Variants in FKBP5 observed in about 807,000 individuals in gnomAD.
FKBP5 encodes the protein peptidyl-prolyl cis-trans isomerase FKBP5.
A neutral mutation model predicts 50.5 loss-of-function variants in FKBP5; 23 were observed. The observed-to-expected ratio is 0.46, with a 90% CI of 0.33 to 0.65. The LOEUF is 0.65. FKBP5 is among the 30% of genes least tolerant of loss of function. The pLI is 0.02. For missense variants in FKBP5, 411 were observed against 553.1 expected, an observed-to-expected ratio of 0.74 and a Z score of 2.58; for synonymous variants, 176 against 190.6, an observed-to-expected ratio of 0.92 and a Z score of 0.63.
chr6:35,665,780 C>T (rs1426500046), intron 1 of FKBP5, among the ~76,000 whole-genome samples: 1 of 152,148 alleles, frequency 6.6e-6, no homozygotes, highest in Non-Finnish European at 1.5e-5. Flanking sequence ...GTTTGGGTTA[C>T]GAGTTTCAAC....
chr6:35,577,078 G>A lies in FKBP5; in HGVS notation c.1182C>T (p.Cys394=), dbSNP rs771692610. 6.2e-7 allele frequency: 1 copy of A among 1,614,056 alleles called. No individual in the cohort carries two copies. Among genetic ancestry groups the A allele is most frequent in the Non-Finnish European group, 8.5e-7 (1 of 1,180,020 alleles). ...CGTTGTGCTCCTTGGCCTTTTTCTG[G>A]CACATGGAGATCTGCAGTCTTGCAG... ...NKAARLQISM[C]QKKAKEHNER... is the part of the protein sequence containing the mutation. Residue 394 remains cysteine, a synonymous_variant, in exon 10 of 11, where the codon TGC becomes TGT. Transcript: ENST00000357266.
intron 8 of FKBP5, chr6:35,582,826 T>C: frequency 3.0e-6 from 3 of 985,054 alleles, no homozygotes; most frequent in Non-Finnish European, 3.6e-6. Flanking sequence ...ACAGGCAGCA[T>C]TGTCCTCTCC....
chr6:35,587,661 G>T (rs1027933659), intron 7 of FKBP5, among the ~76,000 whole-genome samples: 6 of 152,152 alleles, frequency 3.9e-5, no homozygotes, highest in African/African-American at 1.2e-4. Context: ...GTATACTGGG[G>T]GGGACTTCAA....
At chr6:35,686,730 C>G (rs1232981543) in intron 1 of FKBP5, among the ~76,000 whole-genome samples, 2 of 152,106 alleles carry the variant, frequency 1.3e-5, no homozygotes, top group Non-Finnish European at 2.9e-5. Context: ...AGCAGAGAAG[C>G]CTTTAGGAAA....
rs1765275582 is a variant in FKBP5, at chr6:35,667,909, G to C, written c.-20+20895C>G. ...GAACTCAGGAAGCAGATGTTGCAGT[G>C]AGCTGCGATCCCGCCACTGCACTCC... On this transcript the variant is annotated intron_variant, in intron 1 of 10. Coordinates refer to ENST00000357266, the MANE Select transcript of FKBP5 (RefSeq NM_004117.4). Among the ~76,000 whole-genome samples, 5 of 152,246 alleles carry C rather than the reference G, an allele frequency of 3.3e-5. No individual in the cohort carries two copies. In the South Asian group the frequency reaches 1.0e-3, roughly 32 times the overall value.
intron 3 of FKBP5, among the ~76,000 whole-genome samples, chr6:35,621,949 A>G (rs1488719166): frequency 6.6e-6 from 1 of 152,218 alleles, no homozygotes; most frequent in African/African-American, 2.4e-5. Flanking sequence ...ACTGCACTCC[A>G]GCCTGGGCAG....
At chr6:35,713,784 G>C (rs983323672) in intron 2 of FKBP5, among the ~76,000 whole-genome samples, 4 of 152,090 alleles carry the variant, frequency 2.6e-5, no homozygotes, top group African/African-American at 9.7e-5. Context: ...CTGCCTCTCC[G>C]GACTCACACC....
intron 1 of FKBP5, among the ~76,000 whole-genome samples, chr6:35,684,143 T>C (rs1394976603): frequency 1.3e-5 from 2 of 152,136 alleles, no homozygotes; most frequent in African/African-American, 4.8e-5. Context: ...TTATTTCACT[T>C]TGAAAATACA....
chr6:35,586,374 C>T, intron 8 of FKBP5: 1 of 985,086 alleles, frequency 1.0e-6, no homozygotes, highest in Non-Finnish European at 1.2e-6. Context: ...TCATCTTGGC[C>T]ATTAGAAGCA....
At chr6:35,723,620 G>T (rs561722290) in intron 1 of FKBP5, among the ~76,000 whole-genome samples, 7 of 152,320 alleles carry the variant, frequency 4.6e-5, no homozygotes, top group African/African-American at 1.7e-4. Context: ...AATTCAGAAG[G>T]AAAGATAAAC....
At position 35,641,487 on chromosome 6, in the gene FKBP5, C is replaced by T. The variant is rs73417671; in HGVS notation, c.105+1233G>A. ...ATACACTGTACTACCCATGCTACAA[C>T]AGCTATGGCACCACTAGGCCATAGG... On this transcript the variant is annotated intron_variant, in intron 2 of 10. Coordinates refer to ENST00000357266, the MANE Select transcript of FKBP5 (RefSeq NM_004117.4). 7.8e-3 allele frequency among the ~76,000 whole-genome samples: 1,195 copies of T among 152,258 alleles called. 13 individuals are homozygous for T. Among genetic ancestry groups the T allele is most frequent in the African/African-American group, 0.027 (1,135 of 41,544 alleles).
At chr6:35,701,612 T>C (rs1766191678) in intron 2 of FKBP5, among the ~76,000 whole-genome samples, 1 of 152,134 alleles carries the variant, frequency 6.6e-6, no homozygotes, top group South Asian at 2.1e-4. Flanking sequence ...CAATCTCAGC[T>C]CACTGCAGCC....
At chr6:35,578,649 T>C (rs1762306948) in intron 9 of FKBP5, among the ~76,000 whole-genome samples, 2 of 151,638 alleles carry the variant, frequency 1.3e-5, no homozygotes, top group South Asian at 4.2e-4. Flanking sequence ...GCACCTGTGG[T>C]CTAAGCTACT....
intron 10 of FKBP5, among the ~76,000 whole-genome samples, chr6:35,576,396 G>GC (rs1406032010): frequency 2.0e-5 from 3 of 152,158 alleles, no homozygotes; most frequent in Non-Finnish European, 4.4e-5. Context: ...AAAGGGCTGG[G>GC]CATGGTGGCT....
At chr6:35,684,405 T>C (rs548279053) in intron 1 of FKBP5, among the ~76,000 whole-genome samples, 42 of 152,216 alleles carry the variant, frequency 2.8e-4, no homozygotes, top group Admixed American at 9.8e-4. Flanking sequence ...CTCAAATTCC[T>C]GGGCTCAAGC....
At chr6:35,652,568 C>T (rs1001294806) in intron 1 of FKBP5, among the ~76,000 whole-genome samples, 6 of 152,262 alleles carry the variant, frequency 3.9e-5, no homozygotes, top group Non-Finnish European at 5.9e-5. Flanking sequence ...CGCTCCCAGG[C>T]TTATTAGGAA....
In FKBP5 at chr6:35,683,115, CGTATATGTGTGT is replaced by C. The variant is rs1252573223; in HGVS notation, c.-20+5677_-20+5688del. 4.0e-3 allele frequency among the ~76,000 whole-genome samples: 226 copies of C among 56,222 alleles called. 5 individuals are homozygous for C. Among genetic ancestry groups the C allele is most frequent in the East Asian group, 0.032 (65 of 2,036 alleles). The allele number at this position is 56,222 out of a possible 152,430, so 36.9% of individuals were successfully genotyped here. A position where few individuals can be genotyped will look rare whatever the true frequency, so the allele number is the denominator to read the frequency against. The stretch of plus-strand genomic sequence containing the variant: ...AAAAAAGTGTGTGTGTATATATATA[CGTATATGTGTGT>C]GTGTGTGTGTGTGTGTGTGTGTGTG... On this transcript the variant is annotated intron_variant, in intron 1 of 10. Transcript: ENST00000357266.
chr6:35,616,040 C>T (rs1431555536), intron 5 of FKBP5, among the ~76,000 whole-genome samples: 2 of 152,066 alleles, frequency 1.3e-5, no homozygotes, highest in African/African-American at 2.4e-5. Context: ...AGGCTGGGTG[C>T]GGTGGCTCAT....
At chr6:35,603,045 T>G (rs961682880) in intron 5 of FKBP5, among the ~76,000 whole-genome samples, 14 of 152,224 alleles carry the variant, frequency 9.2e-5, no homozygotes, top group African/African-American at 3.1e-4. Flanking sequence ...GATCTGAAGC[T>G]CAGTTTCTTC....
Sources: gnomAD v4.1 joint callset for allele counts (sites outside exome capture counted in the v4.1 genomes callset) on GRCh38, gnomAD v4.1.1 for gene constraint, MANE v1.5 for transcripts, NCBI Gene and HGNC (gene_info 2026-07-23, HGNC 2026-07-21) for gene names.